The following DENND2D variants were observed in gnomAD, a reference collection of about 807,000 sequenced individuals.
DENND2D encodes DENN domain-containing protein 2D.
In DENND2D, 37 loss-of-function variants were observed where a neutral mutation model predicts 59.8. That is an observed-to-expected ratio of 0.62 (90% CI 0.48 to 0.81). The LOEUF (loss-of-function observed/expected upper bound fraction) is 0.81, where lower values mean the gene tolerates loss of function less well. Ranked by LOEUF, DENND2D falls within the 40% of genes least tolerant of loss-of-function variation. The pLI, the probability that DENND2D is intolerant of heterozygous loss-of-function variation, is 0.00. For missense variants in DENND2D, 525 were observed against 579.7 expected, an observed-to-expected ratio of 0.91 and a Z score of 0.97; for synonymous variants, 219 against 211.3, an observed-to-expected ratio of 1.04 and a Z score of -0.31.
intron 3 of DENND2D, among the ~76,000 whole-genome samples, chr1:111,198,300 G>C (rs920301495): frequency 3.3e-5 from 5 of 152,238 alleles, no homozygotes; most frequent in Non-Finnish European, 7.3e-5. Flanking sequence ...CAGGGCTCAT[G>C]CTAGAAGGGC....
At chr1:111,193,321 G>A (rs143565773) in intron 7 of DENND2D, among the ~76,000 whole-genome samples, 1 of 152,264 alleles carries the variant, frequency 6.6e-6, no homozygotes, top group African/African-American at 2.4e-5. Flanking sequence ...AGTGGGGAGT[G>A]GTGGGATTTC....
chr1:111,190,814 A>G (rs1446661057), intron 8 of DENND2D, among the ~76,000 whole-genome samples: 1 of 152,364 alleles, frequency 6.6e-6, no homozygotes, highest in Non-Finnish European at 1.5e-5. Flanking sequence ...ATCTGTCATC[A>G]GGGGAGAAAA....
At position 111,188,730 on chromosome 1, in the gene DENND2D, A is replaced by T. The variant is rs61756276; in HGVS notation, c.1071T>A (p.Ser357=). 6.3e-3 allele frequency: 10,096 copies of T among 1,614,126 alleles called. 46 individuals are homozygous for T. The highest frequency in any genetic ancestry group is 7.5e-3 in the Non-Finnish European group (8,855 of 1,179,988). The stretch of plus-strand genomic sequence containing the variant: ...TTAACTCATTGATCCCCTGACCAAG[A>T]GAGTCTAAGATGTCATCCTGAAGCT... ...PPKLQDDILD[S]LGQGINELKT... The change falls in exon 10 of 12, where the codon TCT becomes TCA. Residue 357 remains serine (S), a synonymous_variant. Transcript: ENST00000357640.
upstream of DENND2D, chr1:111,200,846 A>T (rs17027081): frequency 0.035 from 17,022 of 493,138 alleles, 2,173 homozygotes; most frequent in African/African-American, 0.29. Context: ...CAGATTGTGC[A>T]GAGAGTTAAT....
chr1:111,199,830 T>C (rs1472204285), intron 1 of DENND2D, 32 bp from the exon 2 acceptor site: 1 of 1,598,754 alleles, frequency 6.3e-7, no homozygotes, highest in South Asian at 1.1e-5. Flanking sequence ...TTTAGTATAA[T>C]CTCATTGATC....
intron 11 of DENND2D, 144 bp downstream of exon 11, chr1:111,187,987 G>T: frequency 2.4e-6 from 3 of 1,263,896 alleles, no homozygotes; most frequent in Non-Finnish European, 3.2e-6. Context: ...TTAGGTTTCA[G>T]GTTATGTCAT....
At position 111,198,669 on chromosome 1, in the gene DENND2D, G is replaced by C; in HGVS notation, c.317C>G (p.Pro106Arg). The change falls in exon 3 of 12, where the codon CCA (proline) becomes CGA (arginine). Residue 106 changes from proline (P) to arginine (R), a missense_variant. Around this residue, in one of 3 missense-constraint regions of DENND2D, gnomAD observed 253 missense variants for 246.4 expected, o/e 1.03. Coordinates refer to ENST00000357640, the MANE Select transcript of DENND2D (RefSeq NM_024901.5). ...LLKAIPLFCF[P>R]DGNEWASLTE... ...GAGTGATGCCCACTCATTCCCATCT[G>C]GGAAGCAGAACAAGGGGATAGCTTT... The C allele has an allele frequency of 6.2e-7, 1 of 1,614,156 alleles. No individual in the cohort carries two copies. The highest frequency in any genetic ancestry group is 8.5e-7 in the Non-Finnish European group (1 of 1,180,032).
intron 2 of DENND2D, among the ~76,000 whole-genome samples, 180 bp downstream of exon 2, chr1:111,199,443 G>A (rs977603499): frequency 6.6e-6 from 1 of 152,200 alleles, no homozygotes; most frequent in African/African-American, 2.4e-5. Context: ...AGATTCTGTG[G>A]GTGATAACAG....
rs1276992688 is a variant in DENND2D at position 111,199,876 on chromosome 1, C to T, written c.68-78G>A. Reference sequence around the variant, plus strand: ...GTGGAGTCTGTGAGAATCCGGGTGACCTCCACACCTCAAGGCCGCCTTGCC... The same window carrying T: ...GTGGAGTCTGTGAGAATCCGGGTGATCTCCACACCTCAAGGCCGCCTTGCC... On this transcript the variant is annotated intron_variant, in intron 1 of 11. Transcript: ENST00000357640. 3 of 1,529,676 alleles carry T rather than the reference C, an allele frequency of 2.0e-6. No homozygotes were observed. The East Asian group carries it at 6.8e-5, about 35-fold the overall frequency. The allele number at this position is 1,529,676 out of a possible 1,614,324, so 94.8% of individuals were successfully genotyped here.
Position 111,187,493 on chromosome 1 carries a change from G to T in DENND2D, c.*112C>A. The T allele has an allele frequency of 1.2e-6, 1 of 809,814 alleles. No individual in the cohort carries two copies. The highest frequency in any genetic ancestry group is 2.2e-5 in the Admixed American group (1 of 46,094). 50.2% of individuals were successfully genotyped at this position (809,814 alleles called of 1,614,324 possible). A position where few individuals can be genotyped will look rare whatever the true frequency, so the allele number is the denominator to read the frequency against. On this transcript the variant is annotated 3_prime_UTR_variant, in exon 12 of 12. Coordinates refer to ENST00000357640, the MANE Select transcript of DENND2D (RefSeq NM_024901.5). Reference sequence around the variant, plus strand: ...AGCAATACCTGGATACCAAGACTCAGAGTGAGGATATGGATTTTGGGAGCT... The same window carrying T: ...AGCAATACCTGGATACCAAGACTCATAGTGAGGATATGGATTTTGGGAGCT...
intron 11 of DENND2D, 77 bp downstream of exon 11, chr1:111,188,054 G>A: frequency 6.4e-7 from 1 of 1,556,236 alleles, no homozygotes; most frequent in East Asian, 2.2e-5. Context: ...CTAAAGAGAA[G>A]TATTCTTTCT....
At chr1:111,194,855 C>T (rs1283620316) in intron 6 of DENND2D, 129 bp from the exon 7 acceptor site, 2 of 1,033,248 alleles carry the variant, frequency 1.9e-6, no homozygotes, top group Non-Finnish European at 2.8e-6. Flanking sequence ...TCTCTCTGTC[C>T]CCCTGCTAAT....
intron 4 of DENND2D, chr1:111,197,608 C>A: frequency 1.5e-6 from 2 of 1,355,424 alleles, no homozygotes; most frequent in Non-Finnish European, 1.9e-6. Context: ...AAGTCCCAGC[C>A]TCTGCTCTGG....
At chr1:111,197,127 C>A (rs11590991) in intron 5 of DENND2D, 49 bp downstream of exon 5, 1 of 1,574,640 alleles carries the variant, frequency 6.4e-7, no homozygotes, top group South Asian at 1.1e-5. Context: ...GGGTTGGCAG[C>A]CAGAGACAGC....
At position 111,186,020 on chromosome 1, in the gene DENND2D, A is replaced by G. The variant is rs1426295240; in HGVS notation, c.*1585T>C. Among the ~76,000 whole-genome samples the G allele has an allele frequency of 1.3e-5, 2 of 152,228 alleles. No homozygotes were observed. Among genetic ancestry groups the G allele is most frequent in the Non-Finnish European group, 2.9e-5 (2 of 68,040 alleles). On this transcript the variant is annotated 3_prime_UTR_variant, in exon 12 of 12. Transcript: ENST00000357640. ...TCTCCTAGATTCTTTTTCAGCATAG[A>G]TGGAATCTGAAAAGCACTCAGATAT...
upstream of DENND2D, among the ~76,000 whole-genome samples, chr1:111,201,840 A>G (rs1384043755): frequency 6.6e-6 from 1 of 152,222 alleles, no homozygotes; most frequent in Non-Finnish European, 1.5e-5. Flanking sequence ...ACTCATGTAC[A>G]GTAAAGAAAG....
At chr1:111,200,784 G>A, upstream of DENND2D, 1 of 1,131,760 alleles carries the variant, frequency 8.8e-7, no homozygotes, top group Non-Finnish European at 1.1e-6. Flanking sequence ...CTGGCTGAAA[G>A]TAGCCGGAAA....
chr1:111,189,584 T>C (rs1453078986), intron 8 of DENND2D, among the ~76,000 whole-genome samples: 1 of 152,158 alleles, frequency 6.6e-6, no homozygotes, highest in Non-Finnish European at 1.5e-5. Flanking sequence ...ACATGGAGCA[T>C]TTAGTACATT....
At chr1:111,188,032 T>G in intron 11 of DENND2D, 99 bp downstream of exon 11, 1 of 1,491,366 alleles carries the variant, frequency 6.7e-7, no homozygotes, top group East Asian at 2.3e-5. Flanking sequence ...CCTACAGCTA[T>G]TTTGTGGGTT....
Sources: gnomAD v4.1 joint callset for allele counts (sites outside exome capture counted in the v4.1 genomes callset) on GRCh38, gnomAD v4.1.1 for gene constraint, gnomAD v4.1.1 regional missense constraint, MANE v1.5 for transcripts, NCBI Gene and HGNC (gene_info 2026-07-23, HGNC 2026-07-21) for gene names.